Variants in ADAMTS20 observed in about 807,000 individuals in gnomAD.
The protein encoded by ADAMTS20 is A disintegrin and metalloproteinase with thrombospondin motifs 20.
Under a neutral mutation model 260.1 loss-of-function variants are expected in ADAMTS20, and 225 were observed. The ratio of observed to expected loss-of-function variants is 0.87; its 90% CI spans 0.78 to 0.97. The LOEUF is 0.97. Ranked by LOEUF, ADAMTS20 falls within the 50% of genes least tolerant of loss-of-function variation. ADAMTS20 has a pLI of 0.00. For synonymous variants in ADAMTS20, 802 were observed against 769.5 expected (o/e 1.04, Z -0.70); for missense variants, 2,400 against 2,337.7 (o/e 1.03, Z -0.55).
Position 43,493,201 on chromosome 12 carries a change from A to T in ADAMTS20, c.920T>A (p.Val307Glu). 3.8e-6 allele frequency: 6 copies of T among 1,562,916 alleles called. No individual in the cohort carries two copies. The South Asian group carries it at 7.1e-5, about 18-fold the overall frequency. The change falls in exon 5 of 39, where the codon GTG becomes GAG. Residue 307 changes from valine (V) to glutamate (E), a missense_variant. Val to Glu is a moderately radical substitution (Grantham distance 121). Transcript: ENST00000389420. Reference sequence around the variant, plus strand: ...ACGGTGAATCATAACTAATTTTACCACTACTATGTGTATCAAATTTCCAAT... The same window carrying T: ...ACGGTGAATCATAACTAATTTTACCTCTACTATGTGTATCAAATTTCCAAT... ...PSIGNLIHIVVVKLVMIHREE... is the reference protein window; with the variant it reads ...PSIGNLIHIVEVKLVMIHREE...
chr12:43,551,160 A>C lies in ADAMTS20; in HGVS notation c.202T>G (p.Ser68Ala), dbSNP rs1943510096. 2 of 1,613,840 alleles carry C rather than the reference A, an allele frequency of 1.2e-6. No individual in the cohort carries two copies. Among genetic ancestry groups the C allele is most frequent in the Non-Finnish European group, 1.7e-6 (2 of 1,179,858 alleles). ...AACGGCATGGGTTCCAGCGCCTCGG[A>C]GCTGCGTTTCTGCCGGCTGAAGTGG... Reference protein sequence around the residue: ...SHHFSRQKRSSEALEPMPFRT... With the variant: ...SHHFSRQKRSAEALEPMPFRT... Residue 68 changes from serine (S) to alanine (A), a missense_variant, in exon 2 of 39, where the codon TCC (serine) becomes GCC (alanine). Coordinates refer to ENST00000389420, the MANE Select transcript of ADAMTS20 (RefSeq NM_025003.5). This position sits in a 1 kb window ranked among gnomAD's most constrained non-coding sequence, Gnocchi z 4.6.
chr12:43,550,645 C>T (rs1943498864), intron 2 of ADAMTS20, among the ~76,000 whole-genome samples: 2 of 152,204 alleles, frequency 1.3e-5, no homozygotes, highest in Admixed American at 1.3e-4. Context: ...AGGCCACTCC[C>T]TGATCACCAC....
chr12:43,493,696 C>T (rs1259240824), intron 4 of ADAMTS20, among the ~76,000 whole-genome samples: 2 of 152,188 alleles, frequency 1.3e-5, no homozygotes, highest in African/African-American at 4.8e-5. Context: ...GTGGCATAAT[C>T]CACAATTTAC....
At chr12:43,525,761 AT>A (rs1465524086) in intron 3 of ADAMTS20, among the ~76,000 whole-genome samples, 1 of 152,204 alleles carries the variant, frequency 6.6e-6, no homozygotes, top group Non-Finnish European at 1.5e-5. Flanking sequence ...CAGCAACAGT[AT>A]AAAAAGAAAA....
In ADAMTS20 at chr12:43,376,086, T is replaced by C; in HGVS notation, c.5283A>G (p.Glu1761=). ...PKEYLTLVQG[E]ENFSEVYGFR... is the part of the protein sequence containing the mutation. ...AGCCATACACTTCAGAAAAGTTTTC[T>C]TCACCTTGGACCAGTGTTAAATATT... The change falls in exon 35 of 39, where the codon GAA becomes GAG. Residue 1761 remains glutamate (E), a synonymous_variant. Coordinates refer to ENST00000389420, the MANE Select transcript of ADAMTS20 (RefSeq NM_025003.5). 1 of 1,610,646 alleles carries C rather than the reference T, an allele frequency of 6.2e-7. No individual in the cohort carries two copies. The highest frequency in any genetic ancestry group is 8.5e-7 in the Non-Finnish European group (1 of 1,178,566).
intron 4 of ADAMTS20, among the ~76,000 whole-genome samples, chr12:43,495,385 C>T (rs1289414398): frequency 6.6e-6 from 1 of 152,090 alleles, no homozygotes; most frequent in Admixed American, 6.6e-5. Context: ...TACTTCTAGG[C>T]TACTATAAGG....
At chr12:43,534,915 T>C (rs1943273685) in intron 2 of ADAMTS20, among the ~76,000 whole-genome samples, 1 of 152,104 alleles carries the variant, frequency 6.6e-6, no homozygotes, top group Admixed American at 6.6e-5. Context: ...TCCAACATGC[T>C]GTCCCTCTAC....
At chr12:43,402,139 C>G (rs1418227384) in intron 28 of ADAMTS20, among the ~76,000 whole-genome samples, 1 of 151,898 alleles carries the variant, frequency 6.6e-6, no homozygotes, top group Non-Finnish European at 1.5e-5. Flanking sequence ...CTTCATCTAC[C>G]CAGCTTCCTG....
At chr12:43,486,966 C>T (rs1942531082) in intron 7 of ADAMTS20, among the ~76,000 whole-genome samples, 2 of 152,196 alleles carry the variant, frequency 1.3e-5, no homozygotes, top group South Asian at 4.1e-4. Flanking sequence ...TGCAAGTACA[C>T]TGCTGATAAC....
At chr12:43,423,853 G>A in intron 28 of ADAMTS20, 4 of 720,238 alleles carry the variant, frequency 5.6e-6, no homozygotes, top group Admixed American at 1.9e-5. Context: ...GCTTTCCATG[G>A]CAAAATATGT....
chr12:43,481,088 A>G (rs10880508), intron 7 of ADAMTS20, among the ~76,000 whole-genome samples: 32,551 of 152,096 alleles, frequency 0.21, 4,038 homozygotes, highest in African/African-American at 0.33. Context: ...ATGATTTGTC[A>G]ACTAAAAATA....
rs1422076125 is a variant in ADAMTS20 at position 43,452,278 on chromosome 12, C to T, written c.2075G>A (p.Cys692Tyr). ...AGAAACTTATAGTTTACTTACCATA[C>T]ACTGGCCTTGAACACAGATGTCATG... ...ETHDICVQGQ[C>Y]MAAGCDHVLN... Residue 692 changes from cysteine to tyrosine, a missense_variant, in exon 14 of 39, where the codon TGT (cysteine) becomes TAT (tyrosine). Physicochemically the swap from Cys to Tyr is radical, Grantham distance 194. Coordinates refer to ENST00000389420, the MANE Select transcript of ADAMTS20 (RefSeq NM_025003.5). The T allele has an allele frequency of 3.7e-6, 6 of 1,607,168 alleles. No individual in the cohort carries two copies. The highest frequency in any genetic ancestry group is 1.7e-5 in the Admixed American group (1 of 58,556).
At chr12:43,466,521 A>G in intron 9 of ADAMTS20, 131 bp downstream of exon 9, 2 of 739,610 alleles carry the variant, frequency 2.7e-6, no homozygotes, top group African/African-American at 1.8e-5. Flanking sequence ...TTAAACATCC[A>G]TTTGTACAGT....
chr12:43,357,467 T>C (rs1939769704), intron 37 of ADAMTS20, among the ~76,000 whole-genome samples: 1 of 152,178 alleles, frequency 6.6e-6, no homozygotes, highest in South Asian at 2.1e-4. Context: ...ACTCTGTATA[T>C]ATAATGTGAA....
chr12:43,373,502 G>A (rs1940149655), intron 36 of ADAMTS20, among the ~76,000 whole-genome samples: 1 of 151,844 alleles, frequency 6.6e-6, no homozygotes, highest in Non-Finnish European at 1.5e-5. Context: ...AATAGCTTAT[G>A]AGCTAAAAAA....
intron 4 of ADAMTS20, among the ~76,000 whole-genome samples, chr12:43,497,061 C>T (rs546217408): frequency 4.2e-4 from 64 of 152,256 alleles, no homozygotes; most frequent in Non-Finnish European, 7.6e-4. Context: ...TTACCTTAAT[C>T]ACTACATTTT....
chr12:43,501,623 GA>G (rs1942768736), intron 4 of ADAMTS20, among the ~76,000 whole-genome samples: 1 of 151,940 alleles, frequency 6.6e-6, no homozygotes, highest in Non-Finnish European at 1.5e-5. Flanking sequence ...TCAGATCAAG[GA>G]CCCTTAGAGT....
chr12:43,425,395 T>G, intron 28 of ADAMTS20, 119 bp downstream of exon 28: 1 of 903,264 alleles, frequency 1.1e-6, no homozygotes, highest in Non-Finnish European at 1.5e-6. Flanking sequence ...CCTGCACATC[T>G]TGCACATGTA....
intron 31 of ADAMTS20, among the ~76,000 whole-genome samples, chr12:43,377,797 T>C (rs1267727906): frequency 7.1e-6 from 1 of 140,994 alleles, no homozygotes; most frequent in East Asian, 2.0e-4. Context: ...AGTGCCTGTG[T>C]GTGCGTGTGT....
Sources: allele counts gnomAD v4.1 joint callset (sites outside exome capture counted in the v4.1 genomes callset), GRCh38; gene constraint gnomAD v4.1.1; non-coding constraint Gnocchi (gnomAD v3.1); transcripts MANE v1.5; gene names NCBI Gene and HGNC (gene_info 2026-07-23, HGNC 2026-07-21).